Variants in SH3PXD2A observed in about 807,000 individuals in gnomAD.
SH3PXD2A encodes SH3 and PX domain-containing protein 2A.
SH3PXD2A carries 32 observed loss-of-function variants against 115.2 expected under a neutral mutation model. That is an observed-to-expected ratio of 0.28 (90% CI 0.21 to 0.37). The LOEUF is 0.37. Among genes scored for constraint, SH3PXD2A ranks in the 10% least tolerant of loss-of-function variants. The probability of loss-of-function intolerance (pLI) is 1.00; values close to 1 mark genes in which losing one functional copy is unlikely to be tolerated. For synonymous variants in SH3PXD2A, 610 were observed against 629.1 expected (o/e 0.97, Z 0.45); for missense variants, 1,328 against 1,498.7 (o/e 0.89, Z 1.88).
rs1351274469 is a variant in SH3PXD2A at position 103,608,232 on chromosome 10, C to T, written c.1309-2315G>A. 2.0e-5 allele frequency among the ~76,000 whole-genome samples: 3 copies of T among 147,088 alleles called. No homozygotes were observed. The East Asian group carries it at 6.0e-4, about 29-fold the overall frequency. ...ACACCACGTGAAGCCTGGAGTCAGG[C>T]TTCCGGAGTCCCGGAAGCCGGGAGA... On this transcript the variant is annotated intron_variant, in intron 13 of 14. Coordinates refer to ENST00000369774, the MANE Select transcript of SH3PXD2A (RefSeq NM_001394015.1).
At chr10:103,696,647 G>T (rs17115831) in intron 5 of SH3PXD2A, among the ~76,000 whole-genome samples, 2 of 152,120 alleles carry the variant, frequency 1.3e-5, no homozygotes, top group African/African-American at 4.8e-5. Context: ...GAATCATATC[G>T]GCCAGGGAGC....
chr10:103,777,548 C>A (rs370466234), intron 2 of SH3PXD2A, among the ~76,000 whole-genome samples: 1 of 152,220 alleles, frequency 6.6e-6, no homozygotes. Flanking sequence ...TAGCCCGACA[C>A]CTGCAGTGAG....
intron 8 of SH3PXD2A, among the ~76,000 whole-genome samples, chr10:103,642,392 G>A (rs1188179821): frequency 2.0e-5 from 3 of 152,218 alleles, no homozygotes; most frequent in African/African-American, 7.2e-5. Flanking sequence ...AGATAAGTCA[G>A]AAGGCTTGGA....
At chr10:103,745,449 G>C (rs907244645) in intron 3 of SH3PXD2A, among the ~76,000 whole-genome samples, 1 of 152,224 alleles carries the variant, frequency 6.6e-6, no homozygotes, top group Non-Finnish European at 1.5e-5. Flanking sequence ...TCGAATGCTA[G>C]TTTCCTCAGA....
chr10:103,722,064 A>C (rs2038188779), intron 5 of SH3PXD2A, among the ~76,000 whole-genome samples: 2 of 152,018 alleles, frequency 1.3e-5, no homozygotes, highest in Admixed American at 6.6e-5. Context: ...GCACTTTAGG[A>C]GGCTGAGGCG....
chr10:103,800,569 G>A (rs148423460), intron 2 of SH3PXD2A, among the ~76,000 whole-genome samples: 12 of 152,280 alleles, frequency 7.9e-5, no homozygotes, highest in African/African-American at 1.9e-4. Flanking sequence ...CCATGTGGTC[G>A]GCTGCACAAG....
At chr10:103,700,685 A>G (rs1289279536) in intron 5 of SH3PXD2A, among the ~76,000 whole-genome samples, 1 of 152,194 alleles carries the variant, frequency 6.6e-6, no homozygotes, top group Non-Finnish European at 1.5e-5. Flanking sequence ...GGGGCAGGGG[A>G]TTGCCAGTTC....
intron 4 of SH3PXD2A, among the ~76,000 whole-genome samples, chr10:103,731,440 C>G (rs2038318943): frequency 6.6e-6 from 1 of 152,184 alleles, no homozygotes; most frequent in Non-Finnish European, 1.5e-5. Context: ...GGATTACAGA[C>G]ATGAGCCACT....
intron 3 of SH3PXD2A, among the ~76,000 whole-genome samples, chr10:103,745,495 G>A (rs957091570): frequency 4.6e-5 from 7 of 152,294 alleles, no homozygotes; most frequent in Non-Finnish European, 4.4e-5. Flanking sequence ...TAATGCAAAG[G>A]ACTATTACGA....
intron 4 of SH3PXD2A, among the ~76,000 whole-genome samples, chr10:103,732,866 G>C (rs1215184917): frequency 1.3e-5 from 2 of 152,222 alleles, no homozygotes; most frequent in Non-Finnish European, 2.9e-5. Context: ...ACTGCACACG[G>C]CACTGTGCTG....
intron 3 of SH3PXD2A, among the ~76,000 whole-genome samples, chr10:103,736,030 A>T (rs946637068): frequency 6.6e-6 from 1 of 152,140 alleles, no homozygotes; most frequent in Non-Finnish European, 1.5e-5. Context: ...GGAGCCCTGG[A>T]GGCTGCCATC....
At chr10:103,735,629 T>C in intron 4 of SH3PXD2A, 103 bp downstream of exon 4, 1 of 944,574 alleles carries the variant, frequency 1.1e-6, no homozygotes, top group Non-Finnish European at 1.7e-6. Flanking sequence ...AGGACGGTTC[T>C]GTACAGCAAC....
intron 8 of SH3PXD2A, among the ~76,000 whole-genome samples, chr10:103,638,352 C>A (rs2036898109): frequency 6.6e-6 from 1 of 152,234 alleles, no homozygotes; most frequent in South Asian, 2.1e-4. Context: ...TCCCACTCAG[C>A]TCCAGCCTGC....
At chr10:103,843,337 C>T (rs141578441) in intron 1 of SH3PXD2A, among the ~76,000 whole-genome samples, 377 of 152,356 alleles carry the variant, frequency 2.5e-3, no homozygotes, top group Middle Eastern at 0.01. Flanking sequence ...AGTGCTTACT[C>T]TGGTTTCCAG....
At chr10:103,683,791 T>A (rs1268058086) in intron 6 of SH3PXD2A, among the ~76,000 whole-genome samples, 1 of 151,968 alleles carries the variant, frequency 6.6e-6, no homozygotes, top group African/African-American at 2.4e-5. Context: ...CCCATCACAA[T>A]CTCCTCTGTC....
intron 3 of SH3PXD2A, among the ~76,000 whole-genome samples, chr10:103,740,459 G>A (rs2038432334): frequency 1.3e-5 from 2 of 152,118 alleles, no homozygotes; most frequent in South Asian, 2.1e-4. Flanking sequence ...TTGGGAAAGC[G>A]GTACCTATGG....
At chr10:103,808,955 T>A (rs1017357996) in intron 1 of SH3PXD2A, among the ~76,000 whole-genome samples, 8 of 152,150 alleles carry the variant, frequency 5.3e-5, no homozygotes, top group African/African-American at 1.7e-4. Context: ...TTGGAGACTG[T>A]CCCCATTCCC....
intron 6 of SH3PXD2A, among the ~76,000 whole-genome samples, chr10:103,671,246 G>C (rs1373264478): frequency 6.6e-6 from 1 of 152,200 alleles, no homozygotes; most frequent in East Asian, 1.9e-4. Context: ...GATGGTCTCT[G>C]TTGAGACTAC....
At chr10:103,719,701 TTTTCTTTTTTTTTTTC>T (rs1186768367) in intron 5 of SH3PXD2A, among the ~76,000 whole-genome samples, 2 of 149,428 alleles carry the variant, frequency 1.3e-5, no homozygotes, top group South Asian at 4.2e-4. Context: ...GGTAATTTCT[TTTTCTTTTTTTTTTTC>T]TTTCTTTTTT....
Sources: allele counts gnomAD v4.1 joint callset (sites outside exome capture counted in the v4.1 genomes callset), GRCh38; gene constraint gnomAD v4.1.1; transcripts MANE v1.5; gene names NCBI Gene and HGNC (gene_info 2026-07-23, HGNC 2026-07-21).